Variants in EYS observed in about 807,000 individuals in gnomAD.
EYS encodes the protein EGF-like photoreceptor maintenance factor.
Under a neutral mutation model 282.1 loss-of-function variants are expected in EYS, and 250 were observed. The observed-to-expected ratio is 0.89, with a 90% CI of 0.80 to 0.98. The LOEUF (loss-of-function observed/expected upper bound fraction) is 0.98. EYS is among the 50% of genes least tolerant of loss of function. The probability of loss-of-function intolerance (pLI) is 0.00; values close to 1 mark genes in which losing one functional copy is unlikely to be tolerated. For synonymous variants in EYS, 1,355 were observed against 1,282.9 expected (o/e 1.06, Z -1.20); for missense variants, 4,016 against 3,709.0 (o/e 1.08, Z -2.15).
In EYS at chr6:64,599,662, G is replaced by C. The variant is rs143144126; in HGVS notation, c.3685-6353C>G. 3.3e-3 allele frequency among the ~76,000 whole-genome samples: 507 copies of C among 152,150 alleles called. 2 individuals carry two copies. The highest frequency in any genetic ancestry group is 0.011 in the African/African-American group (477 of 41,532). ...TTATTAATAGTTTCAATAAAATAAA[G>C]TATGGTTTAAAGAAAAGCAGTGTTA... On this transcript the variant is annotated intron_variant, in intron 24 of 42. Coordinates refer to ENST00000503581, the MANE Select transcript of EYS (RefSeq NM_001142800.2).
chr6:64,025,714 C>A (rs1272643304), intron 33 of EYS, among the ~76,000 whole-genome samples: 2 of 152,146 alleles, frequency 1.3e-5, no homozygotes, highest in Admixed American at 6.5e-5. Flanking sequence ...GTTCCCGAAG[C>A]TAGGATATGG....
In EYS at chr6:63,720,868, G is replaced by A. The variant is rs1186701579; in HGVS notation, c.9163C>T (p.Leu3055Phe). 1.9e-6 allele frequency: 3 copies of A among 1,550,910 alleles called. No individual in the cohort carries two copies. Among genetic ancestry groups the A allele is most frequent in the Non-Finnish European group, 2.6e-6 (3 of 1,146,538 alleles). ...HHVVVIQNQT[L>F]IKAYINNSLI... ...CTGTTATTTATGTAGGCCTTGATAA[G>A]AGTCTGATTTTGAATTACAACTACA... Residue 3055 changes from leucine to phenylalanine, a missense_variant, in exon 43 of 43, where the codon CTT becomes TTT. Coordinates refer to ENST00000503581, the MANE Select transcript of EYS (RefSeq NM_001142800.2).
intron 33 of EYS, among the ~76,000 whole-genome samples, chr6:64,041,260 G>C (rs1355158074): frequency 6.6e-6 from 1 of 151,982 alleles, no homozygotes; most frequent in African/African-American, 2.4e-5. Context: ...TGTGTATAGT[G>C]TGTATGAAAA....
intron 28 of EYS, among the ~76,000 whole-genome samples, chr6:64,422,908 T>A (rs183174498): frequency 9.7e-4 from 148 of 152,316 alleles, no homozygotes; most frequent in African/African-American, 3.3e-3. Flanking sequence ...AGATAACATT[T>A]TATAACTGTC....
rs184294336 is a variant in EYS, at chr6:65,542,121, G to A, written c.-332-46128C>T. ...TTCATTTATTCTAAATATACAGATAGATTTGACTTTTTAGCAGTTTTCATT... is the reference window on the plus strand; with the variant it reads ...TTCATTTATTCTAAATATACAGATAAATTTGACTTTTTAGCAGTTTTCATT... On this transcript the variant is annotated intron_variant, in intron 2 of 42. Coordinates refer to ENST00000503581, the MANE Select transcript of EYS (RefSeq NM_001142800.2). Among the ~76,000 whole-genome samples the A allele has an allele frequency of 1.9e-3, 286 of 152,202 alleles. 1 individual carries two copies. The highest frequency in any genetic ancestry group is 6.7e-3 in the African/African-American group (277 of 41,546).
intron 37 of EYS, among the ~76,000 whole-genome samples, chr6:63,798,636 G>C (rs998019156): frequency 1.2e-4 from 18 of 152,068 alleles, no homozygotes; most frequent in African/African-American, 4.3e-4. Context: ...TGAAGAACAG[G>C]CTGAGCTGAT....
At chr6:64,282,059 T>G (rs1768327139) in intron 30 of EYS, among the ~76,000 whole-genome samples, 2 of 152,132 alleles carry the variant, frequency 1.3e-5, no homozygotes, top group Non-Finnish European at 1.5e-5. Flanking sequence ...AAGTGTCTAT[T>G]CTGATGTCTG....
intron 22 of EYS, among the ~76,000 whole-genome samples, chr6:64,729,857 A>C (rs1771894659): frequency 6.6e-6 from 1 of 152,236 alleles, no homozygotes. Flanking sequence ...AAAGTTACTT[A>C]ATTGTGAAAC....
intron 31 of EYS, among the ~76,000 whole-genome samples, chr6:64,135,431 A>G (rs1774127869): frequency 6.6e-6 from 1 of 152,092 alleles, no homozygotes; most frequent in Non-Finnish European, 1.5e-5. Flanking sequence ...GGATACTTTC[A>G]GGGGTGAGTG....
intron 22 of EYS, among the ~76,000 whole-genome samples, chr6:64,678,799 A>G (rs751414785): frequency 4.9e-4 from 74 of 152,176 alleles, no homozygotes; most frequent in Non-Finnish European, 9.0e-4. Flanking sequence ...AGCCTGGCCA[A>G]CATGGTGAAA....
intron 22 of EYS, among the ~76,000 whole-genome samples, chr6:64,809,537 A>G (rs999018757): frequency 1.3e-5 from 2 of 152,082 alleles, no homozygotes; most frequent in African/African-American, 4.8e-5. Context: ...AAGTAGTGTT[A>G]CTCACAATAG....
At chr6:65,127,800 G>A (rs1261513537) in intron 12 of EYS, among the ~76,000 whole-genome samples, 1 of 151,988 alleles carries the variant, frequency 6.6e-6, no homozygotes, top group Non-Finnish European at 1.5e-5. Flanking sequence ...CCAGGGTGAT[G>A]GGCTAAGACC....
At chr6:64,989,252 A>G (rs1340528642) in intron 14 of EYS, among the ~76,000 whole-genome samples, 1 of 150,354 alleles carries the variant, frequency 6.7e-6, no homozygotes, top group Non-Finnish European at 1.5e-5. Context: ...CTTCTCTTCT[A>G]TAAGCAGACT....
Position 63,788,126 on chromosome 6 carries a change from C to T in EYS, c.7702G>A (p.Asp2568Asn). 6.5e-7 allele frequency: 1 copy of T among 1,539,838 alleles called. No homozygotes were observed. Among genetic ancestry groups the T allele is most frequent in the Non-Finnish European group, 8.7e-7 (1 of 1,143,766 alleles). Residue 2568 changes from aspartate (D) to asparagine (N), a missense_variant, in exon 39 of 43, where the codon GAT becomes AAT. Coordinates refer to ENST00000503581, the MANE Select transcript of EYS (RefSeq NM_001142800.2). ...YTPDLLPNGA[D>N]FKNGFQGCIF... ...TTACCTTGAAAACCATTTTTAAAATCTGCTCCATTTGGTAAGAGATCTGGA... is the reference window on the plus strand; with the variant it reads ...TTACCTTGAAAACCATTTTTAAAATTTGCTCCATTTGGTAAGAGATCTGGA...
intron 26 of EYS, among the ~76,000 whole-genome samples, chr6:64,470,040 A>T (rs982898500): frequency 1.3e-5 from 2 of 152,008 alleles, no homozygotes; most frequent in African/African-American, 4.8e-5. Flanking sequence ...GACCCACGTG[A>T]CCTTACCTAT....
At chr6:64,584,669 T>G (rs1272658780) in intron 26 of EYS, among the ~76,000 whole-genome samples, 1 of 152,096 alleles carries the variant, frequency 6.6e-6, no homozygotes, top group Non-Finnish European at 1.5e-5. Flanking sequence ...TATATTTTAC[T>G]GCATATAGTT....
intron 35 of EYS, among the ~76,000 whole-genome samples, chr6:63,945,122 A>G (rs1019412828): frequency 2.0e-5 from 3 of 152,170 alleles, no homozygotes; most frequent in African/African-American, 7.2e-5. Context: ...GCTCTGAAGG[A>G]ATACCCGAGA....
At chr6:65,352,235 C>T (rs939982354) in intron 9 of EYS, among the ~76,000 whole-genome samples, 3 of 151,858 alleles carry the variant, frequency 2.0e-5, no homozygotes, top group African/African-American at 7.2e-5. Context: ...TTTACTTCAA[C>T]ACTGTTGTGA....
intron 5 of EYS, among the ~76,000 whole-genome samples, chr6:65,476,894 A>G (rs532542116): frequency 6.6e-6 from 1 of 152,272 alleles, no homozygotes; most frequent in Middle Eastern, 3.4e-3. Flanking sequence ...TTTTAAACCT[A>G]TAAAATAAGA....
Sources: gnomAD v4.1 joint callset for allele counts (sites outside exome capture counted in the v4.1 genomes callset) on GRCh38, gnomAD v4.1.1 for gene constraint, MANE v1.5 for transcripts, NCBI Gene and HGNC (gene_info 2026-07-23, HGNC 2026-07-21) for gene names.